The following BLM variants were observed in gnomAD, a reference collection of about 807,000 sequenced individuals.
The protein encoded by BLM is recQ-like DNA helicase BLM.
In BLM, 95 loss-of-function variants were observed where a neutral mutation model predicts 135.3. The observed-to-expected ratio is 0.70, with a 90% CI of 0.59 to 0.83. BLM has a LOEUF of 0.83. Among genes scored for constraint, BLM ranks in the 40% least tolerant of loss-of-function variants. BLM has a pLI of 0.00. For synonymous variants in BLM, 520 were observed against 589.2 expected, an observed-to-expected ratio of 0.88 and a Z score of 1.70; for missense variants, 1,518 against 1,663.9, an observed-to-expected ratio of 0.91 and a Z score of 1.53.
At chr15:90,812,593 C>T (rs1302725940) in intron 21 of BLM, among the ~76,000 whole-genome samples, 1 of 152,086 alleles carries the variant, frequency 6.6e-6, no homozygotes, top group Non-Finnish European at 1.5e-5. Flanking sequence ...AACTTGACCC[C>T]AAAGTAACTG....
intron 21 of BLM, among the ~76,000 whole-genome samples, chr15:90,813,817 G>A (rs1050373550): frequency 1.3e-5 from 2 of 152,172 alleles, no homozygotes; most frequent in African/African-American, 4.8e-5. Context: ...CGGATTGAGA[G>A]TCCCTGTGCA....
At position 90,790,647 on chromosome 15, in the gene BLM, A is replaced by T. The variant is rs745538883; in HGVS notation, c.2824-2A>T. The T allele has an allele frequency of 5.6e-6, 9 of 1,613,838 alleles. No homozygotes were observed. The highest frequency in any genetic ancestry group is 5.1e-6 in the Non-Finnish European group (6 of 1,179,818). On this transcript the variant is annotated splice_acceptor_variant, in intron 14 of 21. Coordinates refer to ENST00000355112, the MANE Select transcript of BLM (RefSeq NM_000057.4). LOFTEE classifies it high-confidence loss of function. ...TCTAATAAGCTTTTGCTTTTATATCAGGTTATCTGTGCTACAATTGCATTT... is the reference window on the plus strand; with the variant it reads ...TCTAATAAGCTTTTGCTTTTATATCTGGTTATCTGTGCTACAATTGCATTT...
chr15:90,782,764 A>G, intron 12 of BLM, 58 bp from the exon 13 acceptor site: 2 of 1,346,628 alleles, frequency 1.5e-6, no homozygotes, highest in East Asian at 4.7e-5. Context: ...AGTCTATAAC[A>G]ATACCTAAAG....
chr15:90,719,073 G>C lies in BLM; in HGVS notation c.-5+1633G>C, dbSNP rs988220240. Among the ~76,000 whole-genome samples, 7 of 152,058 alleles carry C rather than the reference G, an allele frequency of 4.6e-5. No homozygotes were observed. In the East Asian group the frequency reaches 1.4e-3, roughly 30 times the overall value. On this transcript the variant is annotated intron_variant, in intron 1 of 21. Transcript: ENST00000355112. ...GTGGCGCGATCTTGGCTCACTGCAA[G>C]CTCCGCCTCCCGGGTTCATGCCATT...
intron 15 of BLM, among the ~76,000 whole-genome samples, chr15:90,791,196 T>C (rs1044881348): frequency 1.3e-5 from 2 of 152,078 alleles, no homozygotes; most frequent in Non-Finnish European, 2.9e-5. Flanking sequence ...TGCAGGAAGA[T>C]AAAAAGGAGA....
intron 1 of BLM, among the ~76,000 whole-genome samples, chr15:90,742,750 C>G (rs1213776302): frequency 6.6e-6 from 1 of 151,900 alleles, no homozygotes; most frequent in East Asian, 1.9e-4. Context: ...TCCTTCCCAC[C>G]TCAGCCTCCT....
At chr15:90,745,030 G>A (rs1895463590) in intron 1 of BLM, among the ~76,000 whole-genome samples, 1 of 152,030 alleles carries the variant, frequency 6.6e-6, no homozygotes, top group African/African-American at 2.4e-5. Context: ...GCAACAAAGT[G>A]AGACCCTGTC....
At chr15:90,760,049 C>G in intron 5 of BLM, 98 bp from the exon 6 acceptor site, 2 of 1,282,172 alleles carry the variant, frequency 1.6e-6, no homozygotes, top group Non-Finnish European at 2.2e-6. Context: ...CTTGGCCTCC[C>G]CAAAGGGCTG....
At chr15:90,766,417 T>C (rs951099785) in intron 9 of BLM, among the ~76,000 whole-genome samples, 2 of 152,120 alleles carry the variant, frequency 1.3e-5, no homozygotes, top group African/African-American at 4.8e-5. Flanking sequence ...TTTTGTGTTA[T>C]GCTTTTTTTT....
At chr15:90,792,383 G>A (rs1896926805) in intron 15 of BLM, among the ~76,000 whole-genome samples, 1 of 152,172 alleles carries the variant, frequency 6.6e-6, no homozygotes, top group Admixed American at 6.5e-5. Context: ...TGGGATTACA[G>A]GCGTGAGCCA....
intron 11 of BLM, 41 bp from the exon 12 acceptor site, chr15:90,769,397 C>G: frequency 6.2e-7 from 1 of 1,612,580 alleles, no homozygotes; most frequent in Non-Finnish European, 8.5e-7. Flanking sequence ...TAGAAGGAAG[C>G]TCCAAGTAGT....
intron 1 of BLM, among the ~76,000 whole-genome samples, chr15:90,736,158 C>A (rs1895210433): frequency 6.6e-6 from 1 of 152,226 alleles, no homozygotes; most frequent in South Asian, 2.1e-4. Context: ...ACTTGTAAAA[C>A]CTCCTTTGAG....
intron 1 of BLM, among the ~76,000 whole-genome samples, chr15:90,743,108 A>G (rs1391688060): frequency 6.8e-6 from 1 of 148,072 alleles, no homozygotes; most frequent in Non-Finnish European, 1.5e-5. Context: ...GGATACTCCC[A>G]CCTCAGCCTC....
chr15:90,760,549 G>A, intron 6 of BLM, 45 bp from the exon 7 acceptor site: 1 of 1,554,750 alleles, frequency 6.4e-7, no homozygotes, highest in Non-Finnish European at 8.8e-7. Context: ...GCCTACCAGA[G>A]TAAACTACTT....
At chr15:90,799,626 TAAAAAA>T (rs10600094) in intron 17 of BLM, among the ~76,000 whole-genome samples, 1 of 108,746 alleles carries the variant, frequency 9.2e-6, no homozygotes, top group Admixed American at 1.0e-4. Context: ...AAGATGCCTG[TAAAAAA>T]AAAAAAAAAA....
At chr15:90,771,057 G>C (rs1432443323) in intron 12 of BLM, among the ~76,000 whole-genome samples, 1 of 152,186 alleles carries the variant, frequency 6.6e-6, no homozygotes, top group African/African-American at 2.4e-5. Context: ...AGAGTCCTCA[G>C]AATTTTGTGT....
At chr15:90,727,253 A>T (rs1162890062) in intron 1 of BLM, among the ~76,000 whole-genome samples, 1 of 152,038 alleles carries the variant, frequency 6.6e-6, no homozygotes, top group African/African-American at 2.4e-5. Context: ...GCCTCAAGCA[A>T]TCCTCCCGCC....
intron 8 of BLM, 106 bp downstream of exon 8, chr15:90,763,263 G>T: frequency 8.2e-7 from 1 of 1,226,226 alleles, no homozygotes; most frequent in East Asian, 2.3e-5. Context: ...CTATCATTTA[G>T]GGACCTCTTA....
At chr15:90,794,878 TC>T (rs1896994356) in intron 16 of BLM, among the ~76,000 whole-genome samples, 1 of 150,668 alleles carries the variant, frequency 6.6e-6, no homozygotes, top group Non-Finnish European at 1.5e-5. Flanking sequence ...ATTACATTAC[TC>T]TTTTTTTTTA....
Sources: gnomAD v4.1 joint callset for allele counts (sites outside exome capture counted in the v4.1 genomes callset) on GRCh38, gnomAD v4.1.1 for gene constraint, MANE v1.5 for transcripts, NCBI Gene and HGNC (gene_info 2026-07-23, HGNC 2026-07-21) for gene names.